FAAH2: variants seen among roughly 807,000 people sequenced by gnomAD.
FAAH2 encodes fatty-acid amide hydrolase 2.
A neutral mutation model predicts 36.9 loss-of-function variants in FAAH2; 60 were observed. That is an observed-to-expected ratio of 1.63 (90% CI 1.32 to 2.02). The LOEUF (loss-of-function observed/expected upper bound fraction) is 2.02. FAAH2 is among the 30% of genes most tolerant of loss of function. The pLI is 0.00. For synonymous variants in FAAH2, 214 were observed against 143.8 expected (o/e 1.49, Z -3.49); for missense variants, 689 against 397.5 (o/e 1.73, Z -6.23).
the FAAH2 span, among the ~76,000 whole-genome samples, chrX:57,263,558 T>G: frequency 8.9e-6 from 1 of 111,742 alleles, no homozygotes; most frequent in Non-Finnish European, 1.9e-5. Flanking sequence ...TTGTAAAAAC[T>G]TTTGCAAGAT....
In FAAH2 at chrX:57,448,722, C is replaced by A. The variant is rs981538388; in HGVS notation, c.1423+4C>A. On this transcript the variant is annotated splice_donor_region_variant and intron_variant, in intron 10 of 10. Transcript: ENST00000374900. ...CCTTTCAACTTTGCTTACACAGGTA[C>A]CTAATTGTATTCCTTACATTCTGTA... 4 of 1,181,643 alleles carry A rather than the reference C, an allele frequency of 3.4e-6. No individual in the cohort carries two copies. The highest frequency in any genetic ancestry group is 4.6e-6 in the Non-Finnish European group (4 of 871,229).
the FAAH2 span, among the ~76,000 whole-genome samples, chrX:57,255,284 A>T: frequency 8.9e-6 from 1 of 111,816 alleles, no homozygotes; most frequent in Admixed American, 9.5e-5. Context: ...GCAATAATTA[A>T]TAGCCTACCA....
chrX:57,220,485 C>T, the FAAH2 span, among the ~76,000 whole-genome samples: 1 of 111,392 alleles, frequency 9.0e-6, no homozygotes, highest in Admixed American at 9.5e-5. Context: ...TCTCCTAATC[C>T]ACCCCCAATG....
intron 2 of FAAH2, among the ~76,000 whole-genome samples, chrX:57,309,680 C>T (rs2052637014): frequency 9.0e-6 from 1 of 111,080 alleles, no homozygotes; most frequent in Admixed American, 9.6e-5. Context: ...TTTTCAGCTC[C>T]CACTTATGAG....
At chrX:57,431,763 G>GTTTTTTTTTTTTTT (rs200270868) in intron 7 of FAAH2, among the ~76,000 whole-genome samples, 155 bp from the exon 8 acceptor site, 1 of 13,657 alleles carries the variant, frequency 7.3e-5, no homozygotes, top group African/African-American at 8.4e-5. Context: ...TTTTGTTTTT[G>GTTTTTTTTTTTTTT]TTTTTTTGTT....
rs781669402 is a variant in FAAH2 at position 57,331,677 on chromosome X, G to A, written c.492G>A (p.Lys164=). 2.5e-5 allele frequency: 30 copies of A among 1,209,915 alleles called. No homozygotes were observed. The Admixed American group carries it at 6.6e-4, about 26-fold the overall frequency. The change falls in exon 4 of 11, where the codon AAG becomes AAA. Residue 164 remains lysine, a synonymous_variant. Coordinates refer to ENST00000374900, the MANE Select transcript of FAAH2 (RefSeq NM_174912.4). ...KTDATVVALL[K]GAGAIPLGIT... is the part of the protein sequence containing the mutation. ...ATGCCACTGTGGTGGCATTACTGAAGGGAGCTGGTGCCATTCCTCTTGGCA... is the reference window on the plus strand; with the variant it reads ...ATGCCACTGTGGTGGCATTACTGAAAGGAGCTGGTGCCATTCCTCTTGGCA...
At chrX:57,453,749 A>G (rs1411879223) in intron 10 of FAAH2, among the ~76,000 whole-genome samples, 1 of 112,004 alleles carries the variant, frequency 8.9e-6, no homozygotes, top group Non-Finnish European at 1.9e-5. Flanking sequence ...GCACCTAGAC[A>G]GGGGATTAAG....
the FAAH2 span, among the ~76,000 whole-genome samples, chrX:57,128,017 G>A: frequency 9.0e-6 from 1 of 111,607 alleles, no homozygotes; most frequent in East Asian, 2.8e-4. Context: ...GTATTCAAAA[G>A]TTCTGGTATT....
rs189148753 is a variant in FAAH2 at position 57,439,502 on chromosome X, G to T, written c.1117-7426G>T. ...AGTCCATTGTAGATTCTGGATATTAGCCCTTTGTCAGATGAGTAGGTTGCA... is the reference window on the plus strand; with the variant it reads ...AGTCCATTGTAGATTCTGGATATTATCCCTTTGTCAGATGAGTAGGTTGCA... On this transcript the variant is annotated intron_variant, in intron 8 of 10. Transcript: ENST00000374900. 2.2e-4 allele frequency among the ~76,000 whole-genome samples: 25 copies of T among 111,142 alleles called. No homozygotes were observed. The Admixed American group carries it at 2.3e-3, about 10-fold the overall frequency.
At chrX:57,181,668 G>T in the FAAH2 span, among the ~76,000 whole-genome samples, 1 of 111,515 alleles carries the variant, frequency 9.0e-6, no homozygotes, top group African/African-American at 3.3e-5. Context: ...ATTCATTAAA[G>T]ATTCAATGCT....
chrX:57,187,503 A>G, the FAAH2 span, among the ~76,000 whole-genome samples: 1 of 111,448 alleles, frequency 9.0e-6, no homozygotes, highest in Non-Finnish European at 1.9e-5. Flanking sequence ...CAATCATTTT[A>G]TCTTCTAACA....
chrX:57,192,026 G>C, the FAAH2 span, among the ~76,000 whole-genome samples: 1 of 111,708 alleles, frequency 9.0e-6, no homozygotes, highest in Non-Finnish European at 1.9e-5. Context: ...TTGTTATTTT[G>C]ATGGGGATTG....
chrX:57,193,055 CCTT>C, the FAAH2 span, among the ~76,000 whole-genome samples: 1 of 112,193 alleles, frequency 8.9e-6, no homozygotes, highest in African/African-American at 3.2e-5. Flanking sequence ...AGAGAGATAA[CCTT>C]AAACTCTGAC....
rs2056504459 is a variant in FAAH2, at chrX:57,439,713, T to A, written c.1117-7215T>A. 2.7e-5 allele frequency among the ~76,000 whole-genome samples: 3 copies of A among 112,110 alleles called. No individual in the cohort carries two copies. The South Asian group carries it at 1.1e-3, about 41-fold the overall frequency. ...CTGAATGGTATTGCCTAGGTTTTCT[T>A]CTAGGGTTTTTATGGTTTTAGGTCT... On this transcript the variant is annotated intron_variant, in intron 8 of 10. Transcript: ENST00000374900.
At chrX:57,412,267 G>A (rs2055717495) in intron 7 of FAAH2, among the ~76,000 whole-genome samples, 1 of 111,027 alleles carries the variant, frequency 9.0e-6, no homozygotes, top group Admixed American at 9.6e-5. Flanking sequence ...AAGTTCTGCG[G>A]AATGTGCAGG....
chrX:57,141,579 G>A, the FAAH2 span, among the ~76,000 whole-genome samples: 1 of 111,014 alleles, frequency 9.0e-6, no homozygotes, highest in East Asian at 2.8e-4. Context: ...TCATTGATGG[G>A]AGATATTTTA....
At chrX:57,381,498 C>T (rs1046374601) in intron 7 of FAAH2, 2 of 649,254 alleles carry the variant, frequency 3.1e-6, no homozygotes, top group East Asian at 1.6e-4. Context: ...ACAGACCTAC[C>T]AAATTTTAAA....
chrX:57,219,120 T>C, the FAAH2 span, among the ~76,000 whole-genome samples: 1 of 111,161 alleles, frequency 9.0e-6, no homozygotes, highest in Non-Finnish European at 1.9e-5. Context: ...GCCATATGGG[T>C]AAAACATAGC....
chrX:57,433,223 T>C (rs192659988), intron 8 of FAAH2, among the ~76,000 whole-genome samples: 2 of 111,451 alleles, frequency 1.8e-5, no homozygotes, highest in Non-Finnish European at 3.8e-5. Flanking sequence ...ACATGCTGAC[T>C]GTCAAAACTG....
Sources: gnomAD v4.1 joint callset for allele counts (sites outside exome capture counted in the v4.1 genomes callset) on GRCh38, gnomAD v4.1.1 for gene constraint, MANE v1.5 for transcripts, NCBI Gene and HGNC (gene_info 2026-07-23, HGNC 2026-07-21) for gene names.